ST8SIA2: variants seen among roughly 807,000 people sequenced by gnomAD.
ST8SIA2 encodes alpha-2,8-sialyltransferase 8B.
In ST8SIA2, 22 loss-of-function variants were observed where a neutral mutation model predicts 37.6. That is an observed-to-expected ratio of 0.58 (90% confidence interval 0.42 to 0.83). ST8SIA2 has a LOEUF of 0.83. ST8SIA2 is among the 40% of genes least tolerant of loss of function. The probability of loss-of-function intolerance (pLI) is 0.00; values close to 1 mark genes in which losing one functional copy is unlikely to be tolerated. For missense variants in ST8SIA2, 382 were observed against 484.7 expected, an observed-to-expected ratio of 0.79 and a Z score of 1.99; for synonymous variants, 205 against 201.2, an observed-to-expected ratio of 1.02 and a Z score of -0.16.
At position 92,440,627 on chromosome 15, in the gene ST8SIA2, T is replaced by C. The variant is rs940419272; in HGVS notation, c.548+2017T>C. Among the ~76,000 whole-genome samples the C allele has an allele frequency of 3.9e-5, 6 of 152,100 alleles. No individual in the cohort carries two copies. In the South Asian group the frequency reaches 1.0e-3, roughly 26 times the overall value. On this transcript the variant is annotated intron_variant, in intron 4 of 5. Transcript: ENST00000268164. Reference sequence around the variant, plus strand: ...GTCTCTGGGGTGGACCTGTGGGGTGTTTTAGGACAAGATTATGCAGCCCCA... The same window carrying C: ...GTCTCTGGGGTGGACCTGTGGGGTGCTTTAGGACAAGATTATGCAGCCCCA...
chr15:92,468,118 GGA>G lies in ST8SIA2; in HGVS notation c.*3734_*3735del, dbSNP rs2050006071. On this transcript the variant is annotated 3_prime_UTR_variant, in exon 6 of 6. Coordinates refer to ENST00000268164, the MANE Select transcript of ST8SIA2 (RefSeq NM_006011.4). ...CACTAATCTCGACTCTTTGTCACTTGGACTATTTCAGCAACAGTCTCATCTCC... is the reference window on the plus strand; with the variant it reads ...CACTAATCTCGACTCTTTGTCACTTGCTATTTCAGCAACAGTCTCATCTCC... The G allele has an allele frequency of 2.0e-5, 3 of 152,380 alleles. No individual in the cohort carries two copies. The highest frequency in any genetic ancestry group is 4.4e-5 in the Non-Finnish European group (3 of 68,042). 9.4% of individuals were successfully genotyped at this position (152,380 alleles called of 1,614,324 possible).
chr15:92,440,180 A>C (rs1321183325), intron 4 of ST8SIA2, among the ~76,000 whole-genome samples: 1 of 152,140 alleles, frequency 6.6e-6, no homozygotes, highest in Non-Finnish European at 1.5e-5. Context: ...CATGACTTGG[A>C]GTGTATCTCT....
At chr15:92,429,922 A>G in intron 1 of ST8SIA2, 127 bp from the exon 2 acceptor site, 1 of 995,276 alleles carries the variant, frequency 1.0e-6, no homozygotes, top group Non-Finnish European at 1.6e-6. Context: ...CATTCTGCAG[A>G]GTCCAGAATG....
chr15:92,425,882 A>T (rs1329318689), intron 1 of ST8SIA2, among the ~76,000 whole-genome samples: 2 of 152,206 alleles, frequency 1.3e-5, no homozygotes, highest in African/African-American at 4.8e-5. Context: ...TGGATTCAAG[A>T]TTGCAATTTG....
chr15:92,416,643 G>T (rs1278053525), intron 1 of ST8SIA2, among the ~76,000 whole-genome samples: 1 of 152,142 alleles, frequency 6.6e-6, no homozygotes, highest in Non-Finnish European at 1.5e-5. Flanking sequence ...ACGTGCCGTT[G>T]GACCCGCTCC....
chr15:92,442,329 A>T (rs1317353277), intron 4 of ST8SIA2, among the ~76,000 whole-genome samples: 1 of 152,106 alleles, frequency 6.6e-6, no homozygotes, highest in Non-Finnish European at 1.5e-5. Context: ...GCCTGCAAGG[A>T]GCTCACAGCC....
intron 1 of ST8SIA2, among the ~76,000 whole-genome samples, chr15:92,403,366 C>A (rs1286110644): frequency 6.6e-6 from 1 of 152,164 alleles, no homozygotes; most frequent in African/African-American, 2.4e-5. Context: ...TACACTTTAT[C>A]CCGTTTTCTG....
At chr15:92,435,463 C>T (rs2049749732) in intron 3 of ST8SIA2, among the ~76,000 whole-genome samples, 4 of 152,026 alleles carry the variant, frequency 2.6e-5, no homozygotes, top group African/African-American at 7.3e-5. Flanking sequence ...GGACGATAGG[C>T]AGGACCAGAC....
intron 2 of ST8SIA2, among the ~76,000 whole-genome samples, chr15:92,430,761 T>C (rs1292184720): frequency 6.6e-6 from 1 of 152,166 alleles, no homozygotes; most frequent in African/African-American, 2.4e-5. Flanking sequence ...CTATGGCCTG[T>C]AGTCTTATAA....
chr15:92,446,120 G>A (rs1272204648), intron 5 of ST8SIA2, among the ~76,000 whole-genome samples: 1 of 152,160 alleles, frequency 6.6e-6, no homozygotes, highest in Non-Finnish European at 1.5e-5. Context: ...TCTGAGAAGG[G>A]CTCACCTGGA....
In ST8SIA2 at chr15:92,464,499, T is replaced by A; in HGVS notation, c.*114T>A. 8.3e-7 allele frequency: 1 copy of A among 1,205,112 alleles called. No homozygotes were observed. The highest frequency in any genetic ancestry group is 1.2e-6 in the Non-Finnish European group (1 of 815,800). The allele number at this position is 1,205,112 out of a possible 1,614,324, so 74.7% of individuals were successfully genotyped here. On this transcript the variant is annotated 3_prime_UTR_variant, in exon 6 of 6. Transcript: ENST00000268164. ...CAAGCAGGCTAGTGGTTTTCTTTGTTAAAGTGTAAAACAGTGACCAGAATA... is the reference window on the plus strand; with the variant it reads ...CAAGCAGGCTAGTGGTTTTCTTTGTAAAAGTGTAAAACAGTGACCAGAATA...
chr15:92,419,638 T>A (rs566752342), intron 1 of ST8SIA2, among the ~76,000 whole-genome samples: 1 of 152,088 alleles, frequency 6.6e-6, no homozygotes, highest in South Asian at 2.1e-4. Context: ...CCCAGGCTCG[T>A]TGTATAGTAG....
intron 1 of ST8SIA2, among the ~76,000 whole-genome samples, chr15:92,398,269 C>A (rs1441767639): frequency 6.6e-6 from 1 of 152,260 alleles, no homozygotes; most frequent in East Asian, 1.9e-4. Flanking sequence ...GAAATAACAT[C>A]ACTAATCTGA....
chr15:92,449,250 A>G (rs1402530958), intron 5 of ST8SIA2, among the ~76,000 whole-genome samples: 1 of 152,136 alleles, frequency 6.6e-6, no homozygotes, highest in African/African-American at 2.4e-5. Context: ...AACATGTGGC[A>G]TTTGGTTTTC....
At position 92,444,873 on chromosome 15, in the gene ST8SIA2, C is replaced by T. The variant is rs1437765427; in HGVS notation, c.786C>T (p.His262=). The change falls in exon 5 of 6, where the codon CAC becomes CAT. Residue 262 remains histidine (H), a synonymous_variant. Coordinates refer to ENST00000268164, the MANE Select transcript of ST8SIA2 (RefSeq NM_006011.4). ...VEWVNELILK[H]HVNVRTAYPS... is the part of the protein sequence containing the mutation. ...GGGTCAACGAGCTTATCCTGAAGCA[C>T]CACGTCAACGTGCGCACTGCATACC... The T allele has an allele frequency of 1.2e-6, 2 of 1,613,538 alleles. No individual in the cohort carries two copies. The highest frequency in any genetic ancestry group is 8.5e-7 in the Non-Finnish European group (1 of 1,180,050).
intron 4 of ST8SIA2, among the ~76,000 whole-genome samples, chr15:92,443,131 A>G (rs766439548): frequency 6.6e-6 from 1 of 152,204 alleles, no homozygotes; most frequent in Non-Finnish European, 1.5e-5. Flanking sequence ...AAGGGAGGAT[A>G]AATGGTACGT....
At chr15:92,434,786 C>T (rs1241998753) in intron 3 of ST8SIA2, among the ~76,000 whole-genome samples, 1 of 152,234 alleles carries the variant, frequency 6.6e-6, no homozygotes, top group Non-Finnish European at 1.5e-5. Context: ...TGGAGAGCTG[C>T]TCCCTCTCTC....
At chr15:92,426,625 G>C (rs1567215952) in intron 1 of ST8SIA2, among the ~76,000 whole-genome samples, 1 of 152,210 alleles carries the variant, frequency 6.6e-6, no homozygotes, top group Non-Finnish European at 1.5e-5. Context: ...CTGGCTCTCA[G>C]GGACTGGGGG....
chr15:92,433,138 A>G (rs982645536), intron 2 of ST8SIA2, among the ~76,000 whole-genome samples: 4 of 152,144 alleles, frequency 2.6e-5, no homozygotes, highest in African/African-American at 9.7e-5. Flanking sequence ...TCCAAAAAAA[A>G]AAAAAGAAAA....
Sources: allele counts gnomAD v4.1 joint callset (sites outside exome capture counted in the v4.1 genomes callset), GRCh38; gene constraint gnomAD v4.1.1; transcripts MANE v1.5; gene names NCBI Gene and HGNC (gene_info 2026-07-23, HGNC 2026-07-21).